The following GLIS1 variants were observed in gnomAD, a reference collection of about 807,000 sequenced individuals.
GLIS1 encodes zinc finger protein GLIS1.
Under a neutral mutation model 63.8 loss-of-function variants are expected in GLIS1, and 24 were observed. That is an observed-to-expected ratio of 0.38 (90% CI 0.27 to 0.53). The LOEUF (loss-of-function observed/expected upper bound fraction) is 0.53. Ranked by LOEUF, GLIS1 falls within the 20% of genes least tolerant of loss-of-function variation. The pLI is 0.85. For synonymous variants in GLIS1, 450 were observed against 482.5 expected (o/e 0.93, Z 0.88); for missense variants, 1,036 against 1,074.1 (o/e 0.96, Z 0.50).
chr1:53,531,731 G>A (rs1228051924), intron 4 of GLIS1, among the ~76,000 whole-genome samples: 2 of 152,224 alleles, frequency 1.3e-5, no homozygotes, highest in East Asian at 3.9e-4. Context: ...GCCACACAGA[G>A]GAGATGCCTG....
chr1:53,687,288 C>G (rs1056580127), intron 2 of GLIS1, among the ~76,000 whole-genome samples: 1 of 152,180 alleles, frequency 6.6e-6, no homozygotes, highest in African/African-American at 2.4e-5. Context: ...CAAGGCACCA[C>G]CCGCCCACCT....
chr1:53,732,001 T>C (rs1384943955), intron 2 of GLIS1, among the ~76,000 whole-genome samples: 2 of 152,212 alleles, frequency 1.3e-5, no homozygotes, highest in Non-Finnish European at 2.9e-5. Flanking sequence ...ACGGCCCACT[T>C]GCAAAGATGC....
At chr1:53,624,187 A>G (rs1340116223) in intron 2 of GLIS1, among the ~76,000 whole-genome samples, 1 of 152,252 alleles carries the variant, frequency 6.6e-6, no homozygotes, top group African/African-American at 2.4e-5. Context: ...TGGCACTGGC[A>G]TAAGAATAGA....
intron 2 of GLIS1, among the ~76,000 whole-genome samples, chr1:53,731,852 C>G (rs1314865711): frequency 1.3e-5 from 2 of 152,178 alleles, no homozygotes; most frequent in Non-Finnish European, 2.9e-5. Flanking sequence ...TGGCCTCTTC[C>G]TACACCCCAG....
At chr1:53,551,652 A>G (rs1459897804) in intron 4 of GLIS1, among the ~76,000 whole-genome samples, 1 of 75,180 alleles carries the variant, frequency 1.3e-5, no homozygotes, top group East Asian at 4.1e-4. Flanking sequence ...TCTGCAGAGC[A>G]TGCTGGCAGT....
chr1:53,715,959 G>A (rs944072216), intron 2 of GLIS1, among the ~76,000 whole-genome samples: 4 of 152,216 alleles, frequency 2.6e-5, no homozygotes, highest in African/African-American at 9.7e-5. Context: ...AGGTCCTGAA[G>A]CACAGTTATA....
intron 2 of GLIS1, among the ~76,000 whole-genome samples, chr1:53,664,763 A>T (rs1646069870): frequency 6.6e-6 from 1 of 152,196 alleles, no homozygotes. Flanking sequence ...GTGCAATTTA[A>T]AGCAAGTTGG....
chr1:53,522,157 C>T (rs1644416849), intron 6 of GLIS1, among the ~76,000 whole-genome samples: 2 of 152,250 alleles, frequency 1.3e-5, no homozygotes, highest in African/African-American at 4.8e-5. Flanking sequence ...CAATGTCGAT[C>T]GGATTAGGAG....
At chr1:53,619,118 C>T (rs370896753) in intron 2 of GLIS1, among the ~76,000 whole-genome samples, 1 of 152,212 alleles carries the variant, frequency 6.6e-6, no homozygotes, top group Non-Finnish European at 1.5e-5. Flanking sequence ...TCCTCTGGCC[C>T]CAGCATTTGG....
At chr1:53,578,649 C>T (rs1028980327) in intron 4 of GLIS1, among the ~76,000 whole-genome samples, 5 of 152,172 alleles carry the variant, frequency 3.3e-5, no homozygotes, top group African/African-American at 2.4e-5. Context: ...CAGGAAGCTC[C>T]AGGAAAATAT....
intron 2 of GLIS1, among the ~76,000 whole-genome samples, chr1:53,711,599 G>A (rs918445095): frequency 6.6e-6 from 1 of 152,196 alleles, no homozygotes; most frequent in African/African-American, 2.4e-5. Context: ...TCTTTTATTA[G>A]TCCTTATGCA....
At chr1:53,731,137 A>G (rs1389294179) in intron 2 of GLIS1, among the ~76,000 whole-genome samples, 1 of 152,232 alleles carries the variant, frequency 6.6e-6, no homozygotes, top group East Asian at 1.9e-4. Context: ...GACAGGGACT[A>G]CTACCTGCAA....
Position 53,509,800 on chromosome 1 carries a change from A to G in GLIS1, c.2062+49T>C, listed in dbSNP as rs4448471. ...GTCTCCTCGTTCCTCTGGGGTCCCT[A>G]AGTGGGAATTGGGGGGTTATACGGA... On this transcript the variant is annotated intron_variant, in intron 9 of 10. Coordinates refer to ENST00000628545, the MANE Select transcript of GLIS1 (RefSeq NM_001367484.1). 2.5e-3 allele frequency: 2,841 copies of G among 1,132,962 alleles called. 52 individuals are homozygous for G. The African/African-American group carries it at 0.039, about 16-fold the overall frequency. 70.2% of individuals were successfully genotyped at this position (1,132,962 alleles called of 1,614,324 possible).
intron 4 of GLIS1, among the ~76,000 whole-genome samples, chr1:53,568,076 G>A (rs1644951822): frequency 1.3e-5 from 2 of 152,242 alleles, no homozygotes; most frequent in South Asian, 2.1e-4. Context: ...GAAAGCCACA[G>A]GTACTCAACA....
chr1:53,734,241 C>T lies in GLIS1; in HGVS notation c.259+3565G>A, dbSNP rs552026264. ...TGAGTCACTGTAAATTAAATAGTGA[C>T]CTCATTATCTGGTTTGGTGTGGGAA... On this transcript the variant is annotated intron_variant, in intron 2 of 10. Coordinates refer to ENST00000628545, the MANE Select transcript of GLIS1 (RefSeq NM_001367484.1). The T allele has an allele frequency of 1.0e-5, 10 of 970,398 alleles. No individual in the cohort carries two copies. In the South Asian group the frequency reaches 2.9e-4, roughly 28 times the overall value. 60.1% of individuals were successfully genotyped at this position (970,398 alleles called of 1,614,324 possible).
intron 2 of GLIS1, among the ~76,000 whole-genome samples, chr1:53,610,698 T>C (rs1392790641): frequency 6.6e-6 from 1 of 152,332 alleles, no homozygotes; most frequent in East Asian, 1.9e-4. Context: ...AATTCTTAAA[T>C]ATGTGTCACA....
At chr1:53,638,488 C>G (rs1311299234) in intron 2 of GLIS1, among the ~76,000 whole-genome samples, 1 of 152,208 alleles carries the variant, frequency 6.6e-6, no homozygotes, top group African/African-American at 2.4e-5. Context: ...GAGAATCTAG[C>G]TGTGACCAAG....
rs1184841594 is a variant in GLIS1, at chr1:53,520,756, C to T, written c.1604G>A (p.Gly535Asp). ...CAGGACGTCGGCCTCGGTGTCAGGG[C>T]CCGCATGCAGCTGGGGAGCAAGCAG... ...EQQVRKKLHA[G>D]PDTEADVLTE... Residue 535 changes from glycine to aspartate, a missense_variant, in exon 7 of 11, where the codon GGC becomes GAC. Transcript: ENST00000628545. 1.9e-6 allele frequency: 3 copies of T among 1,605,464 alleles called. No homozygotes were observed. Among genetic ancestry groups the T allele is most frequent in the Admixed American group, 3.4e-5 (2 of 59,188 alleles).
intron 2 of GLIS1, among the ~76,000 whole-genome samples, chr1:53,607,017 T>G (rs1569908180): frequency 6.6e-6 from 1 of 152,132 alleles, no homozygotes; most frequent in Non-Finnish European, 1.5e-5. Flanking sequence ...TGGGGGCAGG[T>G]GTATGGTGTG....
Sources: allele counts gnomAD v4.1 joint callset (sites outside exome capture counted in the v4.1 genomes callset), GRCh38; gene constraint gnomAD v4.1.1; transcripts MANE v1.5; gene names NCBI Gene and HGNC (gene_info 2026-07-23, HGNC 2026-07-21).